Variants in LMO7 observed in about 807,000 individuals in gnomAD.
The protein encoded by LMO7 is LIM domain 7.
A neutral mutation model predicts 206.5 loss-of-function variants in LMO7; 120 were observed. The ratio of observed to expected loss-of-function variants is 0.58; its 90% CI spans 0.50 to 0.68. The LOEUF is 0.68. Ranked by LOEUF, LMO7 falls within the 30% of genes least tolerant of loss-of-function variation. The pLI, the probability that LMO7 is intolerant of heterozygous loss-of-function variation, is 0.00. For missense variants in LMO7, 1,959 were observed against 1,957.9 expected (o/e 1.00, Z -0.01); for synonymous variants, 706 against 681.5 (o/e 1.04, Z -0.56).
At chr13:75,695,636 C>T (rs1039949882) in intron 1 of LMO7, among the ~76,000 whole-genome samples, 9 of 152,322 alleles carry the variant, frequency 5.9e-5, no homozygotes, top group African/African-American at 1.9e-4. Flanking sequence ...TGAGCTACCA[C>T]GCCTGGCCTG....
intron 4 of LMO7, among the ~76,000 whole-genome samples, chr13:75,766,994 G>A (rs1423472511): frequency 6.6e-6 from 1 of 151,988 alleles, no homozygotes; most frequent in Non-Finnish European, 1.5e-5. Flanking sequence ...TGAACTTTTG[G>A]TTTCAGTTGC....
At chr13:75,835,164 A>T (rs1555342355) in intron 17 of LMO7, 69 bp from the exon 18 acceptor site, 2 of 1,594,578 alleles carry the variant, frequency 1.3e-6, no homozygotes, top group Admixed American at 3.6e-5. Flanking sequence ...TGGGGCAAAG[A>T]CCAACCTTCC....
chr13:75,796,067 CAAGT>C (rs1404444059), intron 5 of LMO7, among the ~76,000 whole-genome samples: 1 of 152,130 alleles, frequency 6.6e-6, no homozygotes, highest in African/African-American at 2.4e-5. Context: ...ACGCTAAAGG[CAAGT>C]AAACACATTT....
chr13:75,725,988 ATT>A (rs34824538), intron 2 of LMO7, among the ~76,000 whole-genome samples: 23 of 141,264 alleles, frequency 1.6e-4, no homozygotes, highest in Middle Eastern at 3.7e-3. Context: ...CAGGCTTCAG[ATT>A]TTTTTTTTTT....
chr13:75,635,527 C>T (rs923893634), upstream of LMO7, among the ~76,000 whole-genome samples: 2 of 152,220 alleles, frequency 1.3e-5, no homozygotes, highest in Non-Finnish European at 2.9e-5. Flanking sequence ...GTCCTCAAAC[C>T]ACGAAGGGTG....
At position 75,636,373 on chromosome 13, in the gene LMO7, C is replaced by A. The variant is rs904158650; in HGVS notation, c.-285C>A. 1.6e-6 allele frequency: 2 copies of A among 1,267,330 alleles called. No homozygotes were observed. The highest frequency in any genetic ancestry group is 4.3e-5 in the East Asian group (1 of 23,138). The allele number at this position is 1,267,330 out of a possible 1,614,324, so 78.5% of individuals were successfully genotyped here. ...GTGCCGCGCGCTGCCGCTGGGCACC[C>A]GCTTCGCTTCCCGCGTCCTGCCTGA... is the stretch of plus-strand genomic sequence containing the variant. On this transcript the variant is annotated 5_prime_UTR_variant, in exon 1 of 31. Transcript: ENST00000377534.
intron 1 of LMO7, among the ~76,000 whole-genome samples, chr13:75,666,709 C>G (rs2039098772): frequency 6.6e-6 from 1 of 152,154 alleles, no homozygotes; most frequent in Non-Finnish European, 1.5e-5. Flanking sequence ...CCCTGAGATT[C>G]AAAAGTTTGA....
chr13:75,728,329 G>A (rs766673086), intron 3 of LMO7, among the ~76,000 whole-genome samples: 43 of 152,198 alleles, frequency 2.8e-4, no homozygotes, highest in Non-Finnish European at 1.5e-4. Context: ...ACTGGTGTGA[G>A]GTGGTATCTC....
At chr13:75,811,205 TCTC>T (rs2056348344) in intron 11 of LMO7, among the ~76,000 whole-genome samples, 2 of 105,460 alleles carry the variant, frequency 1.9e-5, no homozygotes, top group African/African-American at 3.7e-5. Flanking sequence ...TTTTTTTCTT[TCTC>T]TTTTTTTTTT....
At chr13:75,742,527 A>G (rs2046499335) in intron 3 of LMO7, among the ~76,000 whole-genome samples, 1 of 152,224 alleles carries the variant, frequency 6.6e-6, no homozygotes, top group Non-Finnish European at 1.5e-5. Flanking sequence ...AAACAGACAC[A>G]TAGACCAATG....
chr13:75,733,342 C>T (rs1218004149), intron 3 of LMO7, among the ~76,000 whole-genome samples: 3 of 152,230 alleles, frequency 2.0e-5, no homozygotes, highest in African/African-American at 7.2e-5. Context: ...GGGCGCCCCT[C>T]CCCCAGCCTC....
intron 19 of LMO7, 78 bp downstream of exon 19, chr13:75,836,535 A>G: frequency 2.6e-6 from 2 of 771,234 alleles, no homozygotes; most frequent in Non-Finnish European, 4.1e-6. Flanking sequence ...ATAAAAATTA[A>G]TATCTGTGAG....
intron 3 of LMO7, among the ~76,000 whole-genome samples, chr13:75,730,590 C>A (rs2045070506): frequency 6.8e-6 from 1 of 148,120 alleles, no homozygotes; most frequent in Non-Finnish European, 1.5e-5. Context: ...CTCCTGGATT[C>A]ATTAATTTTT....
At chr13:75,833,451 C>T (rs768354675) in intron 16 of LMO7, among the ~76,000 whole-genome samples, 28 of 152,150 alleles carry the variant, frequency 1.8e-4, no homozygotes, top group Non-Finnish European at 3.2e-4. Flanking sequence ...TGCTAACAAA[C>T]GGCGCTTAAG....
upstream of LMO7, among the ~76,000 whole-genome samples, chr13:75,635,446 C>A (rs1425041499): frequency 6.6e-6 from 1 of 152,146 alleles, no homozygotes; most frequent in Non-Finnish European, 1.5e-5. Flanking sequence ...GCCCCCAACC[C>A]CCCGGCCCTG....
intron 1 of LMO7, among the ~76,000 whole-genome samples, chr13:75,664,811 G>A (rs1330967754): frequency 6.6e-6 from 1 of 152,112 alleles, no homozygotes; most frequent in Non-Finnish European, 1.5e-5. Context: ...AAGTTTTCTA[G>A]TTCTTCAGTT....
chr13:75,744,128 T>C (rs1412437178), intron 3 of LMO7, among the ~76,000 whole-genome samples: 1 of 152,206 alleles, frequency 6.6e-6, no homozygotes, highest in Non-Finnish European at 1.5e-5. Flanking sequence ...TAATGTATTC[T>C]TAGGAAATTT....
intron 6 of LMO7, among the ~76,000 whole-genome samples, chr13:75,800,025 G>A (rs2054534056): frequency 6.6e-6 from 1 of 152,154 alleles, no homozygotes; most frequent in African/African-American, 2.4e-5. Context: ...AGTTATATAT[G>A]TCAGCAAACA....
intron 1 of LMO7, among the ~76,000 whole-genome samples, chr13:75,686,793 C>T (rs1309706342): frequency 2.0e-5 from 3 of 152,064 alleles, no homozygotes; most frequent in Admixed American, 6.6e-5. Context: ...GCAACAGACA[C>T]TTATTTCTCA....
Sources: allele counts gnomAD v4.1 joint callset (sites outside exome capture counted in the v4.1 genomes callset), GRCh38; gene constraint gnomAD v4.1.1; transcripts MANE v1.5; gene names NCBI Gene and HGNC (gene_info 2026-07-23, HGNC 2026-07-21).